The following FAAH2 variants were observed in gnomAD, a reference collection of about 807,000 sequenced individuals.
FAAH2 encodes fatty acid amide hydrolase 2.
A neutral mutation model predicts 36.9 loss-of-function variants in FAAH2; 60 were observed. The observed-to-expected ratio is 1.63, with a 90% CI of 1.32 to 2.02. The LOEUF (loss-of-function observed/expected upper bound fraction) is 2.02. Among genes scored for constraint, FAAH2 ranks in the 30% most tolerant of loss-of-function variants. The pLI is 0.00. For missense variants in FAAH2, 689 were observed against 397.5 expected (o/e 1.73, Z -6.23); for synonymous variants, 214 against 143.8 (o/e 1.49, Z -3.49).
At chrX:57,260,999 A>G in the FAAH2 span, among the ~76,000 whole-genome samples, 2 of 111,929 alleles carry the variant, frequency 1.8e-5, no homozygotes, top group South Asian at 7.4e-4. Flanking sequence ...TATGTACAAA[A>G]TTAAACATAC....
the FAAH2 span, among the ~76,000 whole-genome samples, chrX:57,216,532 A>ATATACGTATATG: frequency 1.5e-5 from 1 of 67,923 alleles, no homozygotes; most frequent in African/African-American, 7.6e-5. Flanking sequence ...ATATGTATAT[A>ATATACGTATATG]TATATATATA....
chrX:57,404,595 C>T (rs1044268643), intron 7 of FAAH2, among the ~76,000 whole-genome samples: 3 of 111,713 alleles, frequency 2.7e-5, no homozygotes, highest in Non-Finnish European at 5.6e-5. Context: ...AGCGACAAGA[C>T]TCCCTGGGTT....
At chrX:57,325,021 C>A (rs1359424796) in intron 3 of FAAH2, among the ~76,000 whole-genome samples, 2 of 111,922 alleles carry the variant, frequency 1.8e-5, no homozygotes, top group Non-Finnish European at 3.8e-5. Context: ...CCCATCAATA[C>A]CTAATTTATT....
chrX:57,388,097 G>T (rs1038632065), intron 7 of FAAH2, among the ~76,000 whole-genome samples: 3 of 111,434 alleles, frequency 2.7e-5, no homozygotes, highest in Non-Finnish European at 5.7e-5. Context: ...TAGCCAAGAA[G>T]AAATGAAAAC....
chrX:57,198,462 G>A, the FAAH2 span, among the ~76,000 whole-genome samples: 1 of 112,109 alleles, frequency 8.9e-6, no homozygotes, highest in Non-Finnish European at 1.9e-5. Context: ...GGCAGCCAGT[G>A]AGCAGAACTG....
At chrX:57,394,001 G>T in intron 7 of FAAH2, 1 of 756,957 alleles carries the variant, frequency 1.3e-6, no homozygotes, top group South Asian at 2.1e-5. Flanking sequence ...TCCATTTACT[G>T]ATGGCACCAA....
chrX:57,335,243 A>T (rs775793548), intron 4 of FAAH2, among the ~76,000 whole-genome samples: 1 of 110,993 alleles, frequency 9.0e-6, no homozygotes, highest in South Asian at 3.9e-4. Flanking sequence ...AAAGAAAGAG[A>T]CACAGAGACA....
chrX:57,313,078 G>A lies in FAAH2; in HGVS notation c.412+2349G>A, dbSNP rs1025650277. ...TCTAGAAATTAAAGACTCACTATGA[G>A]AATTTCATAATACAATTAGAAGTAT... On this transcript the variant is annotated intron_variant, in intron 3 of 10. Transcript: ENST00000374900. 3.6e-5 allele frequency among the ~76,000 whole-genome samples: 4 copies of A among 111,711 alleles called. No individual in the cohort carries two copies. In the East Asian group the frequency reaches 1.1e-3, roughly 31 times the overall value.
chrX:57,258,782 C>G, the FAAH2 span, among the ~76,000 whole-genome samples: 1 of 105,090 alleles, frequency 9.5e-6, no homozygotes, highest in Non-Finnish European at 1.9e-5. Context: ...TACCTAGGCT[C>G]GCTGCAAGCT....
chrX:57,150,750 G>A, the FAAH2 span, among the ~76,000 whole-genome samples: 200 of 112,028 alleles, frequency 1.8e-3, no homozygotes, highest in Non-Finnish European at 2.9e-3. Context: ...GGAGCATTTA[G>A]CCCATTTACA....
chrX:57,450,751 A>G (rs1602708844), intron 10 of FAAH2, among the ~76,000 whole-genome samples: 1 of 111,316 alleles, frequency 9.0e-6, no homozygotes, highest in East Asian at 2.8e-4. Context: ...TACAGCTAAG[A>G]TGAGGATGCT....
chrX:57,448,457 G>T (rs749464004), intron 9 of FAAH2, 67 bp from the exon 10 acceptor site: 36 of 990,297 alleles, frequency 3.6e-5, no homozygotes, highest in Non-Finnish European at 4.9e-5. Flanking sequence ...AATAAGAAAA[G>T]ATAAAGAACA....
intron 10 of FAAH2, among the ~76,000 whole-genome samples, chrX:57,482,620 T>C (rs1215697474): frequency 9.2e-6 from 1 of 108,848 alleles, no homozygotes; most frequent in African/African-American, 3.3e-5. Context: ...CAGTTGAAAA[T>C]TCAGAAATCA....
At chrX:57,257,790 A>C in the FAAH2 span, among the ~76,000 whole-genome samples, 1 of 111,571 alleles carries the variant, frequency 9.0e-6, no homozygotes, top group Non-Finnish European at 1.9e-5. Context: ...TCTGGACCCC[A>C]AAATCTATAG....
upstream of FAAH2, among the ~76,000 whole-genome samples, chrX:57,283,656 T>C (rs1350944628): frequency 2.7e-5 from 2 of 72,971 alleles, no homozygotes; most frequent in African/African-American, 1.0e-4. Flanking sequence ...CCCTGCTTGG[T>C]GAAGAGTGTG....
chrX:57,489,175 T>C lies in FAAH2; in HGVS notation c.*243T>C. The C allele has an allele frequency of 3.1e-6, 1 of 318,809 alleles. No individual in the cohort carries two copies. The allele number at this position is 318,809 out of a possible 1,213,427, so 26.3% of individuals were successfully genotyped here. Reference sequence around the variant, plus strand: ...AGGACATGTAAATGGATAAGTGCAATAAAGTTTCCTAAATGCTGGAATCGT... The same window carrying C: ...AGGACATGTAAATGGATAAGTGCAACAAAGTTTCCTAAATGCTGGAATCGT... On this transcript the variant is annotated 3_prime_UTR_variant, in exon 11 of 11. Transcript: ENST00000374900.
At chrX:57,467,476 C>T (rs1471695045) in intron 10 of FAAH2, among the ~76,000 whole-genome samples, 2 of 111,554 alleles carry the variant, frequency 1.8e-5, no homozygotes, top group East Asian at 2.8e-4. Context: ...CTCAGAGGGT[C>T]CTACACCCAT....
chrX:57,246,963 A>G, the FAAH2 span, among the ~76,000 whole-genome samples: 1 of 111,663 alleles, frequency 9.0e-6, no homozygotes, highest in Non-Finnish European at 1.9e-5. Context: ...ATAAAAACAA[A>G]TCCATATGGC....
rs1186837551 is a variant in FAAH2 at position 57,292,632 on chromosome X, T to G, written c.275+52T>G. The G allele has an allele frequency of 2.9e-6, 3 of 1,031,081 alleles. No individual in the cohort carries two copies. In the East Asian group the frequency reaches 9.3e-5, roughly 32 times the overall value. 85.0% of individuals were successfully genotyped at this position (1,031,081 alleles called of 1,213,427 possible). On this transcript the variant is annotated intron_variant, in intron 2 of 10. Transcript: ENST00000374900. ...TCATTTATGGTGGTTTTTGTTCTAC[T>G]TCTGTGGTCATGCCACCTTAGCATA...
Sources: gnomAD v4.1 joint callset for allele counts (sites outside exome capture counted in the v4.1 genomes callset) on GRCh38, gnomAD v4.1.1 for gene constraint, MANE v1.5 for transcripts, NCBI Gene and HGNC (gene_info 2026-07-23, HGNC 2026-07-21) for gene names.